The following RAB11A variants were observed in gnomAD, a reference collection of about 807,000 sequenced individuals.
RAB11A encodes the protein ras-related protein Rab-11A.
In RAB11A, 9 loss-of-function variants were observed where a neutral mutation model predicts 28.0. The observed-to-expected ratio is 0.32, with a 90% CI of 0.19 to 0.56. The LOEUF (loss-of-function observed/expected upper bound fraction) is 0.56, where lower values mean the gene tolerates loss of function less well. Among genes scored for constraint, RAB11A ranks in the 20% least tolerant of loss-of-function variants. RAB11A has a pLI of 0.91. For missense variants in RAB11A, 108 were observed against 269.6 expected (o/e 0.40, Z 4.20); for synonymous variants, 85 against 88.2 (o/e 0.96, Z 0.20).
chr15:65,871,031 A>T (rs1187142387), intron 1 of RAB11A, among the ~76,000 whole-genome samples: 2 of 152,182 alleles, frequency 1.3e-5, no homozygotes, highest in Non-Finnish European at 2.9e-5. Flanking sequence ...GATCATTACC[A>T]CTGAGGAAGA....
chr15:65,877,227 CT>C lies in RAB11A; in HGVS notation c.41-103del. On this transcript the variant is annotated intron_variant, in intron 1 of 4. Transcript: ENST00000261890. This position sits in a 1 kb window ranked among gnomAD's most constrained non-coding sequence, Gnocchi z 4.1. ...TTTAAAAGTCATATACCTTATTTTTCTTGCTTTATTTACTCTGAAGCCAAAC... is the reference window on the plus strand; with the variant it reads ...TTTAAAAGTCATATACCTTATTTTTCTGCTTTATTTACTCTGAAGCCAAAC... The C allele has an allele frequency of 1.1e-6, 1 of 946,690 alleles. No individual in the cohort carries two copies. Among genetic ancestry groups the C allele is most frequent in the Non-Finnish European group, 1.6e-6 (1 of 638,152 alleles). 58.6% of individuals were successfully genotyped at this position (946,690 alleles called of 1,614,324 possible). A position where few individuals can be genotyped will look rare whatever the true frequency, so the allele number is the denominator to read the frequency against.
At chr15:65,871,450 G>T (rs1273924689) in intron 1 of RAB11A, among the ~76,000 whole-genome samples, 6 of 152,192 alleles carry the variant, frequency 3.9e-5, no homozygotes, top group Non-Finnish European at 8.8e-5. Flanking sequence ...GGGGTTAAAG[G>T]TTAGGTTTGT....
chr15:65,870,718 G>A (rs1407942001), intron 1 of RAB11A, among the ~76,000 whole-genome samples: 1 of 152,214 alleles, frequency 6.6e-6, no homozygotes, highest in Non-Finnish European at 1.5e-5. Flanking sequence ...CCAAAAGGTT[G>A]GGGGTGGGAG....
chr15:65,878,728 A>C (rs1458683130), intron 3 of RAB11A, among the ~76,000 whole-genome samples: 1 of 152,242 alleles, frequency 6.6e-6, no homozygotes, highest in Non-Finnish European at 1.5e-5. Flanking sequence ...TTGCCTTTGC[A>C]CTAATGCTTA....
intron 4 of RAB11A, among the ~76,000 whole-genome samples, chr15:65,884,987 G>A (rs1447654107): frequency 6.7e-6 from 1 of 148,602 alleles, no homozygotes; most frequent in Non-Finnish European, 1.5e-5. Context: ...TTGGAGACAG[G>A]GTCTCACACT....
At chr15:65,882,303 A>G (rs140115617) in intron 4 of RAB11A, among the ~76,000 whole-genome samples, 213 of 152,342 alleles carry the variant, frequency 1.4e-3, no homozygotes, top group African/African-American at 5.0e-3. Context: ...TTTGTTCTAA[A>G]CTTTCTTCCT....
At chr15:65,878,112 G>A in intron 3 of RAB11A, 157 bp downstream of exon 3, 1 of 787,810 alleles carries the variant, frequency 1.3e-6, no homozygotes, top group South Asian at 1.5e-5. Context: ...TAGCTTTTTT[G>A]CTTTGAGTCA....
intron 4 of RAB11A, among the ~76,000 whole-genome samples, chr15:65,885,670 T>C: frequency 6.6e-6 from 1 of 152,220 alleles, no homozygotes; most frequent in South Asian, 2.1e-4. Context: ...TCCTGCTTTA[T>C]CATTTTTATA....
Position 65,878,089 on chromosome 15 carries a change from T to G in RAB11A, c.430+134T>G, listed in dbSNP as rs770618681. 1.2e-5 allele frequency: 11 copies of G among 941,144 alleles called. No individual in the cohort carries two copies. In the South Asian group the frequency reaches 1.5e-4, roughly 12 times the overall value. 58.3% of individuals were successfully genotyped at this position (941,144 alleles called of 1,614,324 possible). ...CTTAGCAAGAATTGTTTTGAAAGTT[T>G]GTGATGACTGTATAGCTTTTTTGCT... On this transcript the variant is annotated intron_variant, in intron 3 of 4. Coordinates refer to ENST00000261890, the MANE Select transcript of RAB11A (RefSeq NM_004663.5).
chr15:65,876,506 A>G (rs909895953), intron 1 of RAB11A, among the ~76,000 whole-genome samples: 1 of 152,130 alleles, frequency 6.6e-6, no homozygotes, highest in African/African-American at 2.4e-5. Context: ...CATGTTGGCC[A>G]GGCTAGTCTC....
chr15:65,875,854 A>G (rs2078188705), intron 1 of RAB11A, among the ~76,000 whole-genome samples: 1 of 152,200 alleles, frequency 6.6e-6, no homozygotes, highest in Non-Finnish European at 1.5e-5. Flanking sequence ...TCTCTTTAGT[A>G]AGGAATGGTC....
At chr15:65,876,726 T>C (rs183821941) in intron 1 of RAB11A, among the ~76,000 whole-genome samples, 1 of 152,316 alleles carries the variant, frequency 6.6e-6, no homozygotes. Context: ...AATGCAACTA[T>C]TAAAGGTCAT....
intron 4 of RAB11A, among the ~76,000 whole-genome samples, chr15:65,886,317 TA>T (rs953282370): frequency 4.6e-5 from 7 of 152,224 alleles, no homozygotes; most frequent in Non-Finnish European, 7.3e-5. Flanking sequence ...TTTATTTAAT[TA>T]AAATAGATGG....
rs573036312 is a variant in RAB11A at position 65,888,720 on chromosome 15, A to G, written c.*880A>G. On this transcript the variant is annotated 3_prime_UTR_variant, in exon 5 of 5. Transcript: ENST00000261890. Reference sequence around the variant, plus strand: ...AATTTTGAAGTGTTAATTTTGTCTTAGAACCTTCCAGTAAGTGAAATACAA... The same window carrying G: ...AATTTTGAAGTGTTAATTTTGTCTTGGAACCTTCCAGTAAGTGAAATACAA... 19 of 152,816 alleles carry G rather than the reference A, an allele frequency of 1.2e-4. No homozygotes were observed. The highest frequency in any genetic ancestry group is 4.1e-4 in the African/African-American group (17 of 41,592). 9.5% of individuals were successfully genotyped at this position (152,816 alleles called of 1,614,324 possible).
At position 65,887,862 on chromosome 15, in the gene RAB11A, A is replaced by C; in HGVS notation, c.*22A>C. 1 of 1,593,976 alleles carries C rather than the reference A, an allele frequency of 6.3e-7. No individual in the cohort carries two copies. ...CTAAGGCATTTCTCTTCTCCCCTAG[A>C]AGGCTGTGTATAGTCCATTTCCCAG... On this transcript the variant is annotated 3_prime_UTR_variant, in exon 5 of 5. Coordinates refer to ENST00000261890, the MANE Select transcript of RAB11A (RefSeq NM_004663.5).
In RAB11A at chr15:65,889,092, A is replaced by G. The variant is rs1412646037; in HGVS notation, c.*1252A>G. 1 of 152,666 alleles carries G rather than the reference A, an allele frequency of 6.6e-6. No homozygotes were observed. The highest frequency in any genetic ancestry group is 6.5e-5 in the Admixed American group (1 of 15,290). 9.5% of individuals were successfully genotyped at this position (152,666 alleles called of 1,614,324 possible). ...ATTTAGTTTTGCTTTCTCGTGGATA[A>G]TATTAAGCACTTACTCTGCAGTTTC... On this transcript the variant is annotated 3_prime_UTR_variant, in exon 5 of 5. Coordinates refer to ENST00000261890, the MANE Select transcript of RAB11A (RefSeq NM_004663.5).
At chr15:65,872,728 C>G (rs1057475404) in intron 1 of RAB11A, among the ~76,000 whole-genome samples, 2 of 152,188 alleles carry the variant, frequency 1.3e-5, no homozygotes, top group Non-Finnish European at 2.9e-5. Flanking sequence ...GCCACCGTGC[C>G]TGGCCAGATT....
rs116142906 is a variant in RAB11A at position 65,877,132 on chromosome 15, A to T, written c.41-200A>T. On this transcript the variant is annotated intron_variant, in intron 1 of 4. Coordinates refer to ENST00000261890, the MANE Select transcript of RAB11A (RefSeq NM_004663.5). This position sits in a 1 kb window ranked among gnomAD's most constrained non-coding sequence, Gnocchi z 4.1. ...TCATGCAGGTAGAAACAGGTTGAAA[A>T]GAATAAATCGGTTTTATTGATTGGT... Among the ~76,000 whole-genome samples, 1 of 152,228 alleles carries T rather than the reference A, an allele frequency of 6.6e-6. No individual in the cohort carries two copies.
chr15:65,878,555 T>G (rs1466737663), intron 3 of RAB11A, among the ~76,000 whole-genome samples: 1 of 152,140 alleles, frequency 6.6e-6, no homozygotes, highest in Non-Finnish European at 1.5e-5. Context: ...GGCGGGCGCC[T>G]GTAGTCCCAG....
Sources: allele counts gnomAD v4.1 joint callset (sites outside exome capture counted in the v4.1 genomes callset), GRCh38; gene constraint gnomAD v4.1.1; non-coding constraint Gnocchi (gnomAD v3.1); transcripts MANE v1.5; gene names NCBI Gene and HGNC (gene_info 2026-07-23, HGNC 2026-07-21).